The following CDH23 variants were observed in gnomAD, a reference collection of about 807,000 sequenced individuals.
The protein encoded by CDH23 is cadherin-23.
CDH23 carries 189 observed loss-of-function variants against 317.1 expected under a neutral mutation model. That is an observed-to-expected ratio of 0.60 (90% CI 0.53 to 0.67). CDH23 has a LOEUF of 0.67. Ranked by LOEUF, CDH23 falls within the 30% of genes least tolerant of loss-of-function variation. CDH23 has a pLI of 0.00. For synonymous variants in CDH23, 1,839 were observed against 1,876.8 expected (o/e 0.98, Z 0.52); for missense variants, 4,401 against 4,592.4 (o/e 0.96, Z 1.20).
intron 9 of CDH23, among the ~76,000 whole-genome samples, chr10:71,609,526 C>T (rs1300796040): frequency 3.9e-5 from 6 of 152,166 alleles, no homozygotes; most frequent in Non-Finnish European, 8.8e-5. Flanking sequence ...GTGGCCTTTG[C>T]CAGACCTTCC....
At chr10:71,645,606 G>A (rs1301340980) in intron 12 of CDH23, 3 of 734,322 alleles carry the variant, frequency 4.1e-6, no homozygotes, top group East Asian at 5.1e-5. Context: ...ACAGCACAAG[G>A]AAGGAAAAGA....
Position 71,725,607 on chromosome 10 carries a change from G to GT in CDH23, c.3579+88dup, listed in dbSNP as rs973364418. On this transcript the variant is annotated intron_variant, in intron 30 of 69. Coordinates refer to ENST00000224721, the MANE Select transcript of CDH23 (RefSeq NM_022124.6). ...AGAGAAGGCCATTAGTTGGCGCCTG[G>GT]TGTGGGCAGGGCCACCACTGATTTA... 36 of 1,440,516 alleles carry GT rather than the reference G, an allele frequency of 2.5e-5. No individual in the cohort carries two copies. In the African/African-American group the frequency reaches 4.8e-4, roughly 19 times the overall value. The allele number at this position is 1,440,516 out of a possible 1,614,324, so 89.2% of individuals were successfully genotyped here.
At chr10:71,813,536 G>C (rs1452525876) in intron 69 of CDH23, among the ~76,000 whole-genome samples, 188 bp downstream of exon 69, 2 of 152,180 alleles carry the variant, frequency 1.3e-5, no homozygotes, top group Admixed American at 1.3e-4. Context: ...GCTTTCACAG[G>C]AATGGGGTAG....
In CDH23 at chr10:71,759,854, C is replaced by CACACACACACATATATATAT. The variant is rs1564779164; in HGVS notation, c.4846-17807_4846-17806insTACACACACACATATATATA. ...ACACACACACACACACACATATACA[C>CACACACACACATATATATAT]ACACACACACATATATATACACACA... On this transcript the variant is annotated intron_variant, in intron 38 of 69. Transcript: ENST00000224721. 2.0e-4 allele frequency among the ~76,000 whole-genome samples: 22 copies of CACACACACACATATATATAT among 109,312 alleles called. 6 individuals are homozygous for CACACACACACATATATATAT. The East Asian group carries it at 3.5e-3, about 17-fold the overall frequency. The allele number at this position is 109,312 out of a possible 152,430, so 71.7% of individuals were successfully genotyped here.
At chr10:71,553,024 C>T (rs150514023) in intron 6 of CDH23, among the ~76,000 whole-genome samples, 1 of 152,322 alleles carries the variant, frequency 6.6e-6, no homozygotes, top group East Asian at 1.9e-4. Context: ...GACAGGGTTC[C>T]TGGGCTAGGG....
At chr10:71,447,478 C>A (rs1045198800) in intron 3 of CDH23, among the ~76,000 whole-genome samples, 2 of 151,990 alleles carry the variant, frequency 1.3e-5, no homozygotes, top group East Asian at 3.9e-4. Flanking sequence ...TCAGGGGGTG[C>A]TGGGCCCAGC....
intron 18 of CDH23, among the ~76,000 whole-genome samples, chr10:71,686,786 G>A (rs1864919419): frequency 6.6e-6 from 1 of 152,286 alleles, no homozygotes; most frequent in Middle Eastern, 3.4e-3. Flanking sequence ...GTGGGCTGGG[G>A]AGGCTTCCTC....
chr10:71,662,955 C>T (rs1229069048), intron 14 of CDH23, among the ~76,000 whole-genome samples: 1 of 152,210 alleles, frequency 6.6e-6, no homozygotes, highest in Non-Finnish European at 1.5e-5. Flanking sequence ...TCCAGGCGTT[C>T]AGGGCCTGTG....
In CDH23 at chr10:71,702,031, G is replaced by A. The variant is rs1865607601; in HGVS notation, c.2407G>A (p.Val803Ile). Reference protein sequence around the residue: ...PDSDVTTVVAVDPDLGENGTL... With the variant: ...PDSDVTTVVAIDPDLGENGTL... Reference sequence around the variant, plus strand: ...GCTCCCTCCCGGGCAGGTGGTGGCTGTTGACCCAGACCTGGGGGAGAATGG... The same window carrying A: ...GCTCCCTCCCGGGCAGGTGGTGGCTATTGACCCAGACCTGGGGGAGAATGG... Residue 803 changes from valine (V) to isoleucine (I), a missense_variant, in exon 23 of 70, where the codon GTT becomes ATT. Transcript: ENST00000224721. 12 of 1,613,656 alleles carry A rather than the reference G, an allele frequency of 7.4e-6. No homozygotes were observed. The East Asian group carries it at 2.0e-4, about 27-fold the overall frequency.
chr10:71,485,026 T>C (rs1440770953), intron 3 of CDH23, among the ~76,000 whole-genome samples: 1 of 133,738 alleles, frequency 7.5e-6, no homozygotes, highest in East Asian at 2.2e-4. Context: ...CTTTTTTCTT[T>C]TTTTTTTTTT....
At chr10:71,761,804 C>T (rs1173399367) in intron 38 of CDH23, 1 of 1,614,028 alleles carries the variant, frequency 6.2e-7, no homozygotes, top group East Asian at 2.2e-5. Context: ...CTGGTGGCCT[C>T]CATGGTGCAG....
At chr10:71,813,402 C>G (rs1340284557) in intron 69 of CDH23, 54 bp downstream of exon 69, 14 of 1,431,792 alleles carry the variant, frequency 9.8e-6, no homozygotes, top group Admixed American at 2.0e-5. Flanking sequence ...TGGGGATGCT[C>G]TCTGTCTCTT....
At chr10:71,601,964 G>GC (rs1432990696) in intron 9 of CDH23, among the ~76,000 whole-genome samples, 1 of 151,608 alleles carries the variant, frequency 6.6e-6, no homozygotes, top group African/African-American at 2.4e-5. Flanking sequence ...GCGGCGGAGG[G>GC]GGGGGGGCTC....
chr10:71,592,328 T>C (rs555869633), intron 9 of CDH23, among the ~76,000 whole-genome samples: 1 of 151,612 alleles, frequency 6.6e-6, no homozygotes, highest in Non-Finnish European at 1.5e-5. Flanking sequence ...TCATTTCCTA[T>C]AGTTGCCATA....
At chr10:71,769,245 T>G (rs1352043920) in intron 38 of CDH23, among the ~76,000 whole-genome samples, 4 of 152,262 alleles carry the variant, frequency 2.6e-5, no homozygotes, top group Non-Finnish European at 5.9e-5. Context: ...AATCTCCTTT[T>G]CTTTTTAAAT....
At chr10:71,601,879 T>G (rs1860236653) in intron 9 of CDH23, among the ~76,000 whole-genome samples, 1 of 149,068 alleles carries the variant, frequency 6.7e-6, no homozygotes, top group Non-Finnish European at 1.5e-5. Context: ...TGGCCCAGGG[T>G]CACAGCTGTC....
In CDH23 at chr10:71,566,766, T is replaced by C; in HGVS notation, c.454T>C (p.Phe152Leu). The change falls in exon 7 of 70, where the codon TTC becomes CTC. Residue 152 changes from phenylalanine to leucine, a missense_variant. This residue lies in a region of CDH23 where 3,068 missense variants were observed against 3,203.3 expected (regional missense o/e 0.96). Coordinates refer to ENST00000224721, the MANE Select transcript of CDH23 (RefSeq NM_022124.6). The stretch of plus-strand genomic sequence containing the variant: ...GAATACACCAGTGGGGACGCCCATC[T>C]TCATCGTGAATGCCACAGACCCCGA... ...PENTPVGTPI[F>L]IVNATDPDLG... is the part of the protein sequence containing the mutation. 1 of 1,609,102 alleles carries C rather than the reference T, an allele frequency of 6.2e-7. No individual in the cohort carries two copies. Among genetic ancestry groups the C allele is most frequent in the South Asian group, 1.1e-5 (1 of 90,814 alleles).
intron 6 of CDH23, among the ~76,000 whole-genome samples, chr10:71,518,540 A>G (rs1854472293): frequency 6.6e-6 from 1 of 152,166 alleles, no homozygotes. Context: ...ATCACCTTGT[A>G]GCTCAGGACC....
At chr10:71,707,434 G>A in intron 26 of CDH23, 1 of 1,258,418 alleles carries the variant, frequency 7.9e-7, no homozygotes, top group South Asian at 2.4e-5. Flanking sequence ...CCTTCCTTGG[G>A]GACCTGTTGA....
Sources: gnomAD v4.1 joint callset for allele counts (sites outside exome capture counted in the v4.1 genomes callset) on GRCh38, gnomAD v4.1.1 for gene constraint, gnomAD v4.1.1 regional missense constraint, MANE v1.5 for transcripts, NCBI Gene and HGNC (gene_info 2026-07-23, HGNC 2026-07-21) for gene names.